Variants in MRPS27 observed in about 807,000 individuals in gnomAD.
The protein encoded by MRPS27 is small ribosomal subunit protein mS27.
MRPS27 carries 43 observed loss-of-function variants against 48.9 expected under a neutral mutation model. The ratio of observed to expected loss-of-function variants is 0.88; its 90% CI spans 0.69 to 1.13. The LOEUF is 1.13. Ranked by LOEUF, MRPS27 falls within the 50% of genes most tolerant of loss-of-function variation. MRPS27 has a pLI of 0.00. For missense variants in MRPS27, 467 were observed against 476.3 expected, an observed-to-expected ratio of 0.98 and a Z score of 0.18; for synonymous variants, 188 against 171.9, an observed-to-expected ratio of 1.09 and a Z score of -0.73.
chr5:72,274,854 C>T (rs1749333597), intron 4 of MRPS27, among the ~76,000 whole-genome samples: 1 of 152,144 alleles, frequency 6.6e-6, no homozygotes, highest in Non-Finnish European at 1.5e-5. Context: ...TCTCATGGGA[C>T]TACTGTTGTG....
chr5:72,245,018 G>C (rs1261923878), intron 4 of MRPS27, among the ~76,000 whole-genome samples: 1 of 151,724 alleles, frequency 6.6e-6, no homozygotes. Context: ...AGGATTACTT[G>C]TGGGGAGAAT....
chr5:72,276,928 G>A (rs1749392594), intron 4 of MRPS27, among the ~76,000 whole-genome samples: 1 of 152,098 alleles, frequency 6.6e-6, no homozygotes, highest in Non-Finnish European at 1.5e-5. Context: ...CTACTTGGGA[G>A]GCTGAGGCAG....
chr5:72,294,017 C>CACAACTAAGATGACTT (rs1306404144), intron 4 of MRPS27, among the ~76,000 whole-genome samples: 1 of 152,100 alleles, frequency 6.6e-6, no homozygotes, highest in Non-Finnish European at 1.5e-5. Context: ...AGAGGGCACT[C>CACAACTAAGATGACTT]ACAACTAAGA....
Position 72,320,138 on chromosome 5 carries a change from G to T in MRPS27, c.73+11C>A. ...GAATAATCAGGGGCCTAATGAAGCT[G>T]TCCGGCCAACCTGCAGGAGAGAGCT... On this transcript the variant is annotated intron_variant, in intron 1 of 10. Transcript: ENST00000261413. 6.2e-7 allele frequency: 1 copy of T among 1,613,236 alleles called. No homozygotes were observed. The highest frequency in any genetic ancestry group is 8.5e-7 in the Non-Finnish European group (1 of 1,179,194).
intron 4 of MRPS27, among the ~76,000 whole-genome samples, chr5:72,244,569 TAGAAGAC>T (rs1299489631): frequency 6.6e-6 from 1 of 152,268 alleles, no homozygotes; most frequent in Non-Finnish European, 1.5e-5. Flanking sequence ...ACTCTCAGTC[TAGAAGAC>T]ATATTTCTGC....
intron 4 of MRPS27, among the ~76,000 whole-genome samples, chr5:72,265,273 A>G (rs1749081056): frequency 1.3e-5 from 2 of 152,204 alleles, no homozygotes; most frequent in African/African-American, 4.8e-5. Context: ...CCAGTGTGCA[A>G]TGTAACCTGA....
intron 4 of MRPS27, among the ~76,000 whole-genome samples, chr5:72,256,089 T>G (rs1748797919): frequency 6.6e-6 from 1 of 152,236 alleles, no homozygotes; most frequent in Non-Finnish European, 1.5e-5. Flanking sequence ...GTAAGTAGAT[T>G]TGGCAAGCCA....
At chr5:72,263,237 AT>A (rs1749029441) in intron 4 of MRPS27, among the ~76,000 whole-genome samples, 1 of 152,158 alleles carries the variant, frequency 6.6e-6, no homozygotes, top group African/African-American at 2.4e-5. Flanking sequence ...CACTTTCAGA[AT>A]TTGTGAATAT....
rs535420227 is a variant in MRPS27 at position 72,221,734 on chromosome 5, G to A, written c.1006-586C>T. Among the ~76,000 whole-genome samples, 18 of 152,298 alleles carry A rather than the reference G, an allele frequency of 1.2e-4. No homozygotes were observed. In the South Asian group the frequency reaches 3.7e-3, roughly 32 times the overall value. On this transcript the variant is annotated intron_variant, in intron 10 of 10. Coordinates refer to ENST00000261413, the MANE Select transcript of MRPS27 (RefSeq NM_015084.3). ...CTCAACAGACGGAAATCAGTTCAAGGAATAGCTCCCCTGAGTGCCTGCACC... is the reference window on the plus strand; with the variant it reads ...CTCAACAGACGGAAATCAGTTCAAGAAATAGCTCCCCTGAGTGCCTGCACC...
intron 5 of MRPS27, among the ~76,000 whole-genome samples, chr5:72,236,576 C>T (rs1478177283): frequency 6.6e-6 from 1 of 152,108 alleles, no homozygotes; most frequent in Non-Finnish European, 1.5e-5. Context: ...CCATTCCTTC[C>T]TCTGGGCCTT....
rs559897167 is a variant in MRPS27 at position 72,236,114 on chromosome 5, TTA to T, written c.396+1898_396+1899del. Among the ~76,000 whole-genome samples, 17 of 152,284 alleles carry T rather than the reference TTA, an allele frequency of 1.1e-4. No homozygotes were observed. In the East Asian group the frequency reaches 3.3e-3, roughly 29 times the overall value. ...GAACCTAAAAGGGAAAGAAACTAAA[TTA>T]TGTTTTCTCCCCTATACTGTGAACC... is the stretch of plus-strand genomic sequence containing the variant. On this transcript the variant is annotated intron_variant, in intron 5 of 10. Transcript: ENST00000261413.
chr5:72,300,479 A>G (rs1211791299), intron 2 of MRPS27, among the ~76,000 whole-genome samples: 3 of 152,156 alleles, frequency 2.0e-5, no homozygotes, highest in African/African-American at 7.2e-5. Flanking sequence ...TACATAGGTG[A>G]TATTTCCATC....
intron 9 of MRPS27, 75 bp downstream of exon 9, chr5:72,225,982 A>G (rs1218826987): frequency 6.6e-7 from 1 of 1,520,630 alleles, no homozygotes; most frequent in African/African-American, 1.4e-5. Flanking sequence ...TGGAAAGACA[A>G]TGAAAACAAA....
chr5:72,246,987 G>A (rs531718626), intron 4 of MRPS27, among the ~76,000 whole-genome samples: 208 of 152,288 alleles, frequency 1.4e-3, no homozygotes, highest in African/African-American at 4.7e-3. Flanking sequence ...TAAACTCAGT[G>A]TAAAACAGTT....
At chr5:72,238,277 A>T (rs978216817) in intron 4 of MRPS27, 149 bp from the exon 5 acceptor site, 11 of 597,316 alleles carry the variant, frequency 1.8e-5, no homozygotes, top group Non-Finnish European at 2.7e-5. Flanking sequence ...CTTGAGAATG[A>T]AACTTATTAA....
At chr5:72,277,678 A>G (rs1191959482) in intron 4 of MRPS27, among the ~76,000 whole-genome samples, 1 of 152,188 alleles carries the variant, frequency 6.6e-6, no homozygotes, top group Non-Finnish European at 1.5e-5. Context: ...AGCAAAAGAC[A>G]TGGATTCAAC....
chr5:72,292,072 TTTTC>T (rs1399910991), intron 4 of MRPS27, among the ~76,000 whole-genome samples: 5 of 152,182 alleles, frequency 3.3e-5, no homozygotes, highest in Non-Finnish European at 7.3e-5. Flanking sequence ...CTTATTTAAG[TTTTC>T]TTTATTTGTC....
intron 4 of MRPS27, among the ~76,000 whole-genome samples, chr5:72,289,908 G>A (rs972090508): frequency 6.6e-6 from 1 of 152,102 alleles, no homozygotes; most frequent in South Asian, 2.1e-4. Flanking sequence ...TGATTCGAAG[G>A]CCTATGTAAG....
At chr5:72,255,126 C>A (rs944845038) in intron 4 of MRPS27, among the ~76,000 whole-genome samples, 3 of 148,474 alleles carry the variant, frequency 2.0e-5, no homozygotes, top group African/African-American at 7.5e-5. Flanking sequence ...GCAACCTCCA[C>A]CTCCCAGGTG....
Sources: gnomAD v4.1 joint callset for allele counts (sites outside exome capture counted in the v4.1 genomes callset) on GRCh38, gnomAD v4.1.1 for gene constraint, MANE v1.5 for transcripts, NCBI Gene and HGNC (gene_info 2026-07-23, HGNC 2026-07-21) for gene names.